Variants in ITGAE observed in about 807,000 individuals in gnomAD.
ITGAE encodes the protein integrin subunit alpha E.
A neutral mutation model predicts 136.5 loss-of-function variants in ITGAE; 99 were observed. That is an observed-to-expected ratio of 0.73 (90% CI 0.62 to 0.86). The LOEUF is 0.86. Among genes scored for constraint, ITGAE ranks in the 40% least tolerant of loss-of-function variants. ITGAE has a pLI of 0.00. For synonymous variants in ITGAE, 613 were observed against 591.8 expected (o/e 1.04, Z -0.52); for missense variants, 1,447 against 1,515.3 (o/e 0.95, Z 0.75).
At chr17:3,719,727 A>ATTTATTTATTTATT (rs374026848) in intron 29 of ITGAE, among the ~76,000 whole-genome samples, 20,476 of 151,652 alleles carry the variant, frequency 0.14, 4,627 homozygotes, top group African/African-American at 0.47. Context: ...TTCATTTTTT[A>ATTTATTTATTTATT]TTTATTTATT....
chr17:3,725,580 G>C (rs140293528), intron 26 of ITGAE: 2 of 1,614,232 alleles, frequency 1.2e-6, no homozygotes, highest in Non-Finnish European at 1.7e-6. Flanking sequence ...ATCCGGTGAA[G>C]TGTGCAACCG....
chr17:3,734,667 C>T (rs981049735), intron 21 of ITGAE, 150 bp downstream of exon 21: 12 of 911,964 alleles, frequency 1.3e-5, no homozygotes, highest in Non-Finnish European at 1.7e-5. Flanking sequence ...GCCGGACTGG[C>T]GGGGATTTAT....
intron 2 of ITGAE, among the ~76,000 whole-genome samples, chr17:3,772,568 A>G (rs1218779312): frequency 1.3e-5 from 2 of 148,860 alleles, no homozygotes; most frequent in African/African-American, 2.5e-5. Flanking sequence ...CGTTCATGCC[A>G]TTCTCCTGCC....
At chr17:3,777,876 C>T (rs2052580988) in intron 1 of ITGAE, among the ~76,000 whole-genome samples, 1 of 152,084 alleles carries the variant, frequency 6.6e-6, no homozygotes, top group Non-Finnish European at 1.5e-5. Context: ...ACCCGAGCCC[C>T]CCTCCTCCAA....
intron 15 of ITGAE, 78 bp from the exon 16 acceptor site, chr17:3,750,560 CG>C: frequency 6.5e-7 from 1 of 1,537,038 alleles, no homozygotes; most frequent in Non-Finnish European, 8.9e-7. Flanking sequence ...TGATCTATCC[CG>C]ATCAGCATCG....
intron 26 of ITGAE, chr17:3,726,043 A>G (rs1182497229): frequency 1.2e-6 from 2 of 1,614,104 alleles, no homozygotes; most frequent in East Asian, 4.5e-5. Context: ...GTTTTCTGTG[A>G]CGTTTCCATG....
chr17:3,759,135 A>AC (rs2052102324), intron 8 of ITGAE, among the ~76,000 whole-genome samples: 1 of 125,444 alleles, frequency 8.0e-6, no homozygotes, highest in African/African-American at 2.7e-5. Flanking sequence ...AAAAAAAAAA[A>AC]CAAAAAAAAA....
At chr17:3,769,752 C>A (rs920466394) in intron 2 of ITGAE, among the ~76,000 whole-genome samples, 2 of 150,454 alleles carry the variant, frequency 1.3e-5, no homozygotes, top group Admixed American at 6.6e-5. Context: ...GGCGTGATCT[C>A]GGCTCACTGC....
rs147510645 is a variant in ITGAE at position 3,725,865 on chromosome 17, C to T, written c.3084+2054G>A. On this transcript the variant is annotated intron_variant, in intron 26 of 30. Coordinates refer to ENST00000263087, the MANE Select transcript of ITGAE (RefSeq NM_002208.5). ...CCTCGCAGTGGCAGAGGCATCACTG[C>T]GCTTTGAGCACCGAGACTTACACTG... is the stretch of plus-strand genomic sequence containing the variant. 4.0e-5 allele frequency: 64 copies of T among 1,600,034 alleles called. No individual in the cohort carries two copies. The highest frequency in any genetic ancestry group is 1.7e-4 in the Middle Eastern group (1 of 6,022).
intron 2 of ITGAE, among the ~76,000 whole-genome samples, chr17:3,773,648 C>G (rs1348587691): frequency 6.6e-6 from 1 of 152,146 alleles, no homozygotes; most frequent in African/African-American, 2.4e-5. Context: ...CTCCCCAAAC[C>G]CTGTCCTTTT....
Position 3,755,160 on chromosome 17 carries a change from C to A in ITGAE, c.1341G>T (p.Ala447=). Residue 447 remains alanine (A), a synonymous_variant, in exon 12 of 31, where the codon GCG becomes GCT. Coordinates refer to ENST00000263087, the MANE Select transcript of ITGAE (RefSeq NM_002208.5). ...CAGCCTCCGCGTCTGCCGCCGCCGCCGCTGTCTGGTTCAGGAAGCGGCCCC... is the reference window on the plus strand; with the variant it reads ...CAGCCTCCGCGTCTGCCGCCGCCGCAGCTGTCTGGTTCAGGAAGCGGCCCC... ...SRRGRFLNQT[A]AAAADAEAAQ... 6.5e-7 allele frequency: 1 copy of A among 1,544,652 alleles called. No homozygotes were observed. Among genetic ancestry groups the A allele is most frequent in the East Asian group, 2.3e-5 (1 of 43,726 alleles).
intron 19 of ITGAE, among the ~76,000 whole-genome samples, chr17:3,742,976 C>T (rs1364954754): frequency 6.6e-6 from 1 of 152,238 alleles, no homozygotes; most frequent in Non-Finnish European, 1.5e-5. Flanking sequence ...ATGACACTAC[C>T]CGCCTGTCTA....
intron 12 of ITGAE, chr17:3,754,777 G>C: frequency 2.0e-5 from 5 of 243,972 alleles, no homozygotes; most frequent in Non-Finnish European, 4.0e-5. Context: ...CCCCGCCCTC[G>C]CCCAGGTGGC....
At chr17:3,746,593 C>T (rs1345418299) in intron 17 of ITGAE, among the ~76,000 whole-genome samples, 4 of 151,958 alleles carry the variant, frequency 2.6e-5, no homozygotes, top group African/African-American at 9.7e-5. Context: ...GTAGCTGGGA[C>T]TACAGGCGCC....
chr17:3,760,985 A>T (rs2052150155), intron 6 of ITGAE, 28 bp downstream of exon 6: 1 of 1,586,710 alleles, frequency 6.3e-7, no homozygotes, highest in South Asian at 1.1e-5. Flanking sequence ...TGATAGACTC[A>T]GAGCAACCCA....
chr17:3,768,588 T>C (rs2052351948), intron 2 of ITGAE, among the ~76,000 whole-genome samples: 1 of 152,224 alleles, frequency 6.6e-6, no homozygotes, highest in Non-Finnish European at 1.5e-5. Flanking sequence ...CGCTGTTTCC[T>C]ATTCCCAGAG....
chr17:3,755,730 A>G (rs1485934991), intron 11 of ITGAE, 100 bp downstream of exon 11: 3 of 882,048 alleles, frequency 3.4e-6, no homozygotes, highest in Non-Finnish European at 5.3e-6. Flanking sequence ...CACCACAGGT[A>G]GGGCAGAGCC....
intron 17 of ITGAE, among the ~76,000 whole-genome samples, chr17:3,746,699 C>T (rs1372708289): frequency 6.6e-6 from 1 of 152,114 alleles, no homozygotes; most frequent in Non-Finnish European, 1.5e-5. Flanking sequence ...ACCTTGTGAT[C>T]CACCCGCCTC....
At chr17:3,724,267 T>C in intron 26 of ITGAE, 1 of 1,591,110 alleles carries the variant, frequency 6.3e-7, no homozygotes, top group Non-Finnish European at 8.5e-7. Context: ...AGCCTAACCG[T>C]GACCCCAAGA....
Sources: gnomAD v4.1 joint callset for allele counts (sites outside exome capture counted in the v4.1 genomes callset) on GRCh38, gnomAD v4.1.1 for gene constraint, MANE v1.5 for transcripts, NCBI Gene and HGNC (gene_info 2026-07-23, HGNC 2026-07-21) for gene names.